TLE1: variants seen among roughly 807,000 people sequenced by gnomAD.
TLE1 encodes the protein TLE family member 1, transcriptional corepressor.
A neutral mutation model predicts 89.8 loss-of-function variants in TLE1; 21 were observed. The ratio of observed to expected loss-of-function variants is 0.23; its 90% CI spans 0.17 to 0.34. The LOEUF is 0.34. Ranked by LOEUF, TLE1 falls within the 10% of genes least tolerant of loss-of-function variation. The pLI is 1.00. For missense variants in TLE1, 795 were observed against 1,031.2 expected (o/e 0.77, Z 3.14); for synonymous variants, 447 against 407.6 (o/e 1.10, Z -1.16).
chr9:81,652,019 C>T (rs145492796), intron 6 of TLE1, among the ~76,000 whole-genome samples, 195 bp downstream of exon 6: 1 of 151,656 alleles, frequency 6.6e-6, no homozygotes, highest in East Asian at 2.0e-4. Flanking sequence ...CTTCCTTATG[C>T]TAAGCCCTCT....
intron 6 of TLE1, among the ~76,000 whole-genome samples, chr9:81,641,718 A>T (rs945495773): frequency 6.6e-6 from 1 of 152,186 alleles, no homozygotes; most frequent in Non-Finnish European, 1.5e-5. Flanking sequence ...CGCAAATCAG[A>T]GCCACAATGA....
chr9:81,687,501 G>A (rs754150410), intron 1 of TLE1, 67 bp from the exon 2 acceptor site: 38 of 1,227,728 alleles, frequency 3.1e-5, no homozygotes, highest in Non-Finnish European at 4.0e-5. Context: ...CAGTAAGTCA[G>A]AGAAGGCAAG....
chr9:81,654,419 C>T (rs911118127), intron 4 of TLE1, among the ~76,000 whole-genome samples: 15 of 152,164 alleles, frequency 9.9e-5, no homozygotes, highest in African/African-American at 3.1e-4. Flanking sequence ...CGGCTCACCA[C>T]AAGCTCTGCC....
chr9:81,612,089 G>A (rs1823791144), intron 12 of TLE1, 130 bp from the exon 13 acceptor site: 2 of 736,978 alleles, frequency 2.7e-6, no homozygotes, highest in Admixed American at 4.3e-5. Flanking sequence ...CTAGGGGAGG[G>A]GGAAAATCAC....
intron 4 of TLE1, among the ~76,000 whole-genome samples, chr9:81,678,990 T>A (rs542541146): frequency 1.4e-4 from 21 of 151,622 alleles, no homozygotes; most frequent in South Asian, 6.3e-4. Flanking sequence ...AAAAATAATT[T>A]AAAAAAAATT....
At chr9:81,655,626 T>G (rs776229783) in intron 4 of TLE1, among the ~76,000 whole-genome samples, 3 of 152,106 alleles carry the variant, frequency 2.0e-5, no homozygotes, top group Non-Finnish European at 2.9e-5. Flanking sequence ...TCCTTGACCT[T>G]ACTTATTTCA....
At chr9:81,602,691 G>C (rs1490508209) in intron 14 of TLE1, among the ~76,000 whole-genome samples, 1 of 152,114 alleles carries the variant, frequency 6.6e-6, no homozygotes, top group African/African-American at 2.4e-5. Context: ...AGATCTCTGT[G>C]CAACACATGG....
intron 4 of TLE1, among the ~76,000 whole-genome samples, chr9:81,679,487 C>G (rs1833333182): frequency 6.6e-6 from 1 of 151,922 alleles, no homozygotes. Flanking sequence ...CTTTTCAGAT[C>G]AAACCACACC....
intron 7 of TLE1, 192 bp downstream of exon 7, chr9:81,633,905 T>C (rs1284844670): frequency 1.8e-6 from 1 of 570,618 alleles, no homozygotes; most frequent in Non-Finnish European, 2.9e-6. Flanking sequence ...TCGAGAAATC[T>C]ACAGATGCCC....
chr9:81,686,869 G>A (rs1834354139), intron 2 of TLE1, among the ~76,000 whole-genome samples: 1 of 152,088 alleles, frequency 6.6e-6, no homozygotes, highest in African/African-American at 2.4e-5. Flanking sequence ...CATCACCAAT[G>A]ATGGGCAATG....
At chr9:81,687,486 T>TA in intron 1 of TLE1, 52 bp from the exon 2 acceptor site, 1 of 1,406,832 alleles carries the variant, frequency 7.1e-7, no homozygotes, top group South Asian at 1.2e-5. Flanking sequence ...GGCGGATGAA[T>TA]AAAGCAGTAA....
intron 4 of TLE1, among the ~76,000 whole-genome samples, chr9:81,674,170 A>G (rs1221022439): frequency 6.6e-6 from 1 of 152,204 alleles, no homozygotes; most frequent in Non-Finnish European, 1.5e-5. Context: ...CCATACTGCC[A>G]TTGCCCTTGC....
At chr9:81,599,590 G>A (rs568065912) in intron 14 of TLE1, among the ~76,000 whole-genome samples, 1 of 152,218 alleles carries the variant, frequency 6.6e-6, no homozygotes, top group Admixed American at 6.5e-5. Flanking sequence ...AAGAAAATCA[G>A]TCTTATTATT....
chr9:81,637,146 T>C (rs971941952), intron 6 of TLE1, among the ~76,000 whole-genome samples: 5 of 151,866 alleles, frequency 3.3e-5, no homozygotes, highest in South Asian at 2.1e-4. Flanking sequence ...ACACTTGAGG[T>C]CAGGAGTTTG....
intron 6 of TLE1, among the ~76,000 whole-genome samples, 186 bp from the exon 7 acceptor site, chr9:81,634,487 C>A (rs1465740838): frequency 1.3e-5 from 2 of 151,958 alleles, no homozygotes; most frequent in African/African-American, 2.4e-5. Context: ...GGAAAAAATG[C>A]GATTAGTGCT....
At chr9:81,664,549 T>G (rs1389365979) in intron 4 of TLE1, among the ~76,000 whole-genome samples, 1 of 152,164 alleles carries the variant, frequency 6.6e-6, no homozygotes, top group Non-Finnish European at 1.5e-5. Context: ...AATCACATTT[T>G]GGGGAAATCC....
At chr9:81,608,664 C>T (rs1439066863) in intron 14 of TLE1, among the ~76,000 whole-genome samples, 1 of 151,890 alleles carries the variant, frequency 6.6e-6, no homozygotes, top group South Asian at 2.1e-4. Flanking sequence ...CAGCTGGGCA[C>T]GGTGGCTCAC....
intron 4 of TLE1, among the ~76,000 whole-genome samples, chr9:81,672,756 T>C (rs1420322159): frequency 6.6e-6 from 1 of 152,160 alleles, no homozygotes; most frequent in Non-Finnish European, 1.5e-5. Context: ...ATTTTCCATG[T>C]TACATTCGAA....
In TLE1 at chr9:81,685,560, C is replaced by A. The variant is rs189609882; in HGVS notation, c.234+116G>T. On this transcript the variant is annotated intron_variant, in intron 4 of 19. Coordinates refer to ENST00000376499, the MANE Select transcript of TLE1 (RefSeq NM_005077.5). ...CAATCCACAGGACAGGAAACCAAGG[C>A]AGAAAAATAGCATACAAACCCCCAC... 51 of 1,004,632 alleles carry A rather than the reference C, an allele frequency of 5.1e-5. No homozygotes were observed. In the Admixed American group the frequency reaches 9.7e-4, roughly 19 times the overall value. 62.2% of individuals were successfully genotyped at this position (1,004,632 alleles called of 1,614,324 possible). A position where few individuals can be genotyped will look rare whatever the true frequency, so the allele number is the denominator to read the frequency against.
Sources: allele counts gnomAD v4.1 joint callset (sites outside exome capture counted in the v4.1 genomes callset), GRCh38; gene constraint gnomAD v4.1.1; transcripts MANE v1.5; gene names NCBI Gene and HGNC (gene_info 2026-07-23, HGNC 2026-07-21).